Variants in ST7L observed in about 807,000 individuals in gnomAD.
The protein encoded by ST7L is suppressor of tumorigenicity 7 protein-like.
In ST7L, 57 loss-of-function variants were observed where a neutral mutation model predicts 72.5. The observed-to-expected ratio is 0.79, with a 90% confidence interval of 0.64 to 0.98. The LOEUF is 0.98. ST7L is among the 50% of genes least tolerant of loss of function. The pLI, the probability that ST7L is intolerant of heterozygous loss-of-function variation, is 0.00. For synonymous variants in ST7L, 221 were observed against 240.9 expected (o/e 0.92, Z 0.77); for missense variants, 576 against 672.2 (o/e 0.86, Z 1.58).
At chr1:112,563,677 A>AT (rs1217726579) in intron 11 of ST7L, among the ~76,000 whole-genome samples, 1 of 152,176 alleles carries the variant, frequency 6.6e-6, no homozygotes, top group Non-Finnish European at 1.5e-5. Flanking sequence ...TAAAAATATA[A>AT]TTATTAAGGC....
chr1:112,571,117 C>T (rs1662044644), intron 11 of ST7L, among the ~76,000 whole-genome samples: 1 of 152,106 alleles, frequency 6.6e-6, no homozygotes, highest in Admixed American at 6.5e-5. Context: ...TTGCAGTGAG[C>T]CGAGATCAGC....
chr1:112,570,713 A>C (rs1405423068), intron 11 of ST7L: 1 of 456,000 alleles, frequency 2.2e-6, no homozygotes, highest in South Asian at 1.6e-5. Context: ...AGAGACCATA[A>C]CAGGAGAAAA....
chr1:112,596,685 T>C (rs947034838), intron 5 of ST7L, among the ~76,000 whole-genome samples: 1 of 152,098 alleles, frequency 6.6e-6, no homozygotes, highest in African/African-American at 2.4e-5. Flanking sequence ...TCGCCTAGGC[T>C]AGAGTGCAAT....
chr1:112,530,465 A>C (rs532159253), intron 14 of ST7L, among the ~76,000 whole-genome samples: 12 of 152,218 alleles, frequency 7.9e-5, no homozygotes, highest in Middle Eastern at 6.8e-3. Flanking sequence ...CTAGGGCTGG[A>C]GTGCAGTGGC....
At chr1:112,541,012 T>C in intron 14 of ST7L, 1 of 486,296 alleles carries the variant, frequency 2.1e-6, no homozygotes. Flanking sequence ...TTGCTGGGCA[T>C]GGCGGCTCAT....
At chr1:112,574,059 C>T (rs368496388) in intron 11 of ST7L, among the ~76,000 whole-genome samples, 83 of 149,702 alleles carry the variant, frequency 5.5e-4, no homozygotes, top group Non-Finnish European at 8.9e-4. Context: ...GGACTACAGG[C>T]GCACCCCACC....
intron 14 of ST7L, among the ~76,000 whole-genome samples, chr1:112,533,444 A>G (rs938564365): frequency 2.0e-5 from 3 of 151,674 alleles, no homozygotes; most frequent in Non-Finnish European, 4.4e-5. Context: ...TCAGCCTCCC[A>G]AGTAGCTGGG....
At chr1:112,519,197 T>C (rs1159819600), downstream of ST7L, among the ~76,000 whole-genome samples, 2 of 152,214 alleles carry the variant, frequency 1.3e-5, no homozygotes, top group African/African-American at 4.8e-5. Context: ...CTCCTATCAT[T>C]AAAACAATTT....
downstream of ST7L, chr1:112,520,588 T>C: frequency 7.3e-7 from 1 of 1,374,896 alleles, no homozygotes; most frequent in Non-Finnish European, 1.0e-6. Flanking sequence ...CACACCTTCC[T>C]CCACCCTCCA....
At chr1:112,599,708 G>A (rs1335620117) in intron 4 of ST7L, among the ~76,000 whole-genome samples, 1 of 152,162 alleles carries the variant, frequency 6.6e-6, no homozygotes, top group Non-Finnish European at 1.5e-5. Context: ...ACAGGAATAT[G>A]CTGACACTGG....
At chr1:112,617,751 ACACACG>A (rs576825506) in intron 1 of ST7L, among the ~76,000 whole-genome samples, 101 of 151,176 alleles carry the variant, frequency 6.7e-4, no homozygotes, top group African/African-American at 2.3e-3. Flanking sequence ...ACACACACAC[ACACACG>A]AAACGTAAAA....
intron 11 of ST7L, among the ~76,000 whole-genome samples, chr1:112,563,191 A>G (rs1027460988): frequency 1.3e-5 from 2 of 152,088 alleles, no homozygotes; most frequent in African/African-American, 4.8e-5. Flanking sequence ...AGATGGCTAG[A>G]TCTGAAAAAC....
chr1:112,517,843 A>G, the ST7L span: 1 of 157,080 alleles, frequency 6.4e-6, no homozygotes, highest in Non-Finnish European at 1.4e-5. Flanking sequence ...GTAGGGAAAA[A>G]AAAGAAACTA....
intron 2 of ST7L, among the ~76,000 whole-genome samples, chr1:112,616,528 A>T (rs1362188585): frequency 6.6e-6 from 1 of 152,126 alleles, no homozygotes; most frequent in Non-Finnish European, 1.5e-5. Context: ...GGATCACCTG[A>T]GGTCAGGAGT....
chr1:112,574,726 ATAAT>A (rs1662822767), intron 11 of ST7L, among the ~76,000 whole-genome samples: 1 of 152,152 alleles, frequency 6.6e-6, no homozygotes, highest in African/African-American at 2.4e-5. Flanking sequence ...GGAAATAAAC[ATAAT>A]TAATAAATAA....
At chr1:112,536,934 AC>A (rs1557944853) in intron 14 of ST7L, among the ~76,000 whole-genome samples, 1 of 151,902 alleles carries the variant, frequency 6.6e-6, no homozygotes, top group Non-Finnish European at 1.5e-5. Context: ...TCCTACCTTT[AC>A]CTGTAACACC....
rs1491407842 is a variant in ST7L, at chr1:112,617,755, ACG to A, written c.206-862_206-861del. ...CACACACACACACACACACACACACACGAAACGTAAAAAAGAAAAATCTATAG... is the reference window on the plus strand; with the variant it reads ...CACACACACACACACACACACACACAAAACGTAAAAAAGAAAAATCTATAG... On this transcript the variant is annotated intron_variant, in intron 1 of 14. Coordinates refer to ENST00000358039, the MANE Select transcript of ST7L (RefSeq NM_017744.5). 3.7e-3 allele frequency among the ~76,000 whole-genome samples: 547 copies of A among 148,328 alleles called. 1 individual carries two copies. Among genetic ancestry groups the A allele is most frequent in the African/African-American group, 0.013 (524 of 40,074 alleles).
At chr1:112,588,105 G>C (rs1384378389) in intron 6 of ST7L, among the ~76,000 whole-genome samples, 1 of 152,124 alleles carries the variant, frequency 6.6e-6, no homozygotes, top group Non-Finnish European at 1.5e-5. Context: ...ATTGTTCATT[G>C]CTAGGATATA....
intron 2 of ST7L, among the ~76,000 whole-genome samples, chr1:112,612,286 C>T (rs1017134814): frequency 6.6e-6 from 1 of 151,964 alleles, no homozygotes; most frequent in African/African-American, 2.4e-5. Context: ...TTTGTAGGGA[C>T]AAGGTTTTGC....
Sources: gnomAD v4.1 joint callset for allele counts (sites outside exome capture counted in the v4.1 genomes callset) on GRCh38, gnomAD v4.1.1 for gene constraint, MANE v1.5 for transcripts, NCBI Gene and HGNC (gene_info 2026-07-23, HGNC 2026-07-21) for gene names.